FNDC3B: variants seen among roughly 807,000 people sequenced by gnomAD.
The protein encoded by FNDC3B is fibronectin type III domain-containing protein 3B.
In FNDC3B, 12 loss-of-function variants were observed where a neutral mutation model predicts 151.5. The ratio of observed to expected loss-of-function variants is 0.08; its 90% CI spans 0.05 to 0.13. The LOEUF (loss-of-function observed/expected upper bound fraction) is 0.13. Among genes scored for constraint, FNDC3B ranks in the 10% least tolerant of loss-of-function variants. FNDC3B has a pLI of 1.00. For missense variants in FNDC3B, 1,214 were observed against 1,505.3 expected (o/e 0.81, Z 3.20); for synonymous variants, 528 against 549.0 (o/e 0.96, Z 0.54).
intron 1 of FNDC3B, among the ~76,000 whole-genome samples, chr3:172,086,212 T>A (rs970629704): frequency 6.6e-6 from 1 of 152,090 alleles, no homozygotes; most frequent in African/African-American, 2.4e-5. Flanking sequence ...AATTAAAAAT[T>A]AGCTGGGTAT....
intron 3 of FNDC3B, chr3:172,134,249 T>C (rs559182200): frequency 7.2e-5 from 33 of 456,980 alleles, no homozygotes; most frequent in Non-Finnish European, 1.4e-4. Context: ...TGTATACTAA[T>C]GCCTCTTCTG....
intron 2 of FNDC3B, among the ~76,000 whole-genome samples, chr3:172,114,733 A>G (rs1253016310): frequency 6.6e-6 from 1 of 152,200 alleles, no homozygotes; most frequent in African/African-American, 2.4e-5. Context: ...AAAGAAAACA[A>G]AAACAAAAAC....
At chr3:172,292,117 A>C (rs780214852) in intron 7 of FNDC3B, among the ~76,000 whole-genome samples, 19 of 152,190 alleles carry the variant, frequency 1.2e-4, no homozygotes, top group Non-Finnish European at 2.4e-4. Context: ...TTTTCTCCTC[A>C]TTCCATTGCC....
At chr3:172,196,662 T>A (rs1003681687) in intron 3 of FNDC3B, among the ~76,000 whole-genome samples, 1 of 152,024 alleles carries the variant, frequency 6.6e-6, no homozygotes, top group Non-Finnish European at 1.5e-5. Flanking sequence ...TGGTGAAAGG[T>A]TCCCTTCTGA....
chr3:172,156,148 G>A (rs1219635125), intron 3 of FNDC3B, among the ~76,000 whole-genome samples: 2 of 152,122 alleles, frequency 1.3e-5, no homozygotes, highest in African/African-American at 4.8e-5. Context: ...GAGACTCTTT[G>A]TTTAAATGAA....
At chr3:172,339,983 A>C (rs1733210162) in intron 16 of FNDC3B, among the ~76,000 whole-genome samples, 1 of 152,220 alleles carries the variant, frequency 6.6e-6, no homozygotes, top group African/African-American at 2.4e-5. Flanking sequence ...AATACCAGGG[A>C]ATAGAAAAAG....
intron 25 of FNDC3B, among the ~76,000 whole-genome samples, chr3:172,387,317 C>T (rs951684465): frequency 2.0e-5 from 3 of 152,016 alleles, no homozygotes; most frequent in African/African-American, 7.3e-5. Flanking sequence ...AGGCTGGTCT[C>T]CAACTCCTAA....
chr3:172,336,391 C>T (rs1732968673), intron 15 of FNDC3B, among the ~76,000 whole-genome samples: 1 of 152,164 alleles, frequency 6.6e-6, no homozygotes. Flanking sequence ...GCCTAGGGCT[C>T]TAGTCATAAG....
At position 172,398,713 on chromosome 3, in the gene FNDC3B, C is replaced by A. The variant is rs545072222; in HGVS notation, c.*1238C>A. On this transcript the variant is annotated 3_prime_UTR_variant, in exon 26 of 26. Coordinates refer to ENST00000415807, the MANE Select transcript of FNDC3B (RefSeq NM_022763.4). ...CTTGCTGCGTGACCTGAACACGTCA[C>A]TTTACCTCTCTGTGCCTCAGTTTTC... 1 of 152,294 alleles carries A rather than the reference C, an allele frequency of 6.6e-6. No individual in the cohort carries two copies. The highest frequency in any genetic ancestry group is 2.1e-4 in the South Asian group (1 of 4,822). 9.4% of individuals were successfully genotyped at this position (152,294 alleles called of 1,614,324 possible).
intron 23 of FNDC3B, among the ~76,000 whole-genome samples, chr3:172,363,212 T>C (rs1282921682): frequency 6.6e-6 from 1 of 152,166 alleles, no homozygotes; most frequent in African/African-American, 2.4e-5. Flanking sequence ...AGATGTTACC[T>C]CTTTAAATAT....
intron 5 of FNDC3B, among the ~76,000 whole-genome samples, 199 bp from the exon 6 acceptor site, chr3:172,251,061 G>A (rs1019704232): frequency 2.6e-5 from 4 of 152,032 alleles, no homozygotes; most frequent in Non-Finnish European, 4.4e-5. Flanking sequence ...CAGACAGTCC[G>A]CCCACCTCGG....
At chr3:172,187,698 A>C (rs1724263425) in intron 3 of FNDC3B, among the ~76,000 whole-genome samples, 1 of 152,122 alleles carries the variant, frequency 6.6e-6, no homozygotes. Flanking sequence ...TTTGTTGCGC[A>C]GGCTAGAGTG....
chr3:172,333,973 G>A (rs1029299261), intron 14 of FNDC3B, among the ~76,000 whole-genome samples: 1 of 150,094 alleles, frequency 6.7e-6, no homozygotes, highest in East Asian at 2.0e-4. Context: ...AGCCAAAAAA[G>A]TGAATATGAC....
At chr3:172,354,799 CAT>C (rs1025374442) in intron 22 of FNDC3B, among the ~76,000 whole-genome samples, 10 of 150,936 alleles carry the variant, frequency 6.6e-5, no homozygotes, top group Admixed American at 2.6e-4. Flanking sequence ...TAGATAAAAA[CAT>C]GTGGAATGAA....
intron 1 of FNDC3B, among the ~76,000 whole-genome samples, chr3:172,099,166 A>G (rs1011043669): frequency 5.3e-5 from 8 of 152,236 alleles, no homozygotes; most frequent in South Asian, 2.1e-4. Flanking sequence ...ATGCAAATCA[A>G]TTAGCTGTGG....
At position 172,282,998 on chromosome 3, in the gene FNDC3B, G is replaced by C. The variant is rs140580690; in HGVS notation, c.791-2928G>C. On this transcript the variant is annotated intron_variant, in intron 6 of 25. Coordinates refer to ENST00000415807, the MANE Select transcript of FNDC3B (RefSeq NM_022763.4). ...AGCATAAGTTCCTATCCACCACTGTGAAATGGAGCAGAGAATGTCCATCAT... is the reference window on the plus strand; with the variant it reads ...AGCATAAGTTCCTATCCACCACTGTCAAATGGAGCAGAGAATGTCCATCAT... Among the ~76,000 whole-genome samples, 3 of 152,356 alleles carry C rather than the reference G, an allele frequency of 2.0e-5. No individual in the cohort carries two copies. In the East Asian group the frequency reaches 5.8e-4, roughly 29 times the overall value.
chr3:172,307,352 T>G lies in FNDC3B; in HGVS notation c.1062-11T>G. The G allele has an allele frequency of 1.2e-6, 2 of 1,614,092 alleles. No individual in the cohort carries two copies. The highest frequency in any genetic ancestry group is 1.7e-6 in the Non-Finnish European group (2 of 1,179,950). ...AGTCACTGCCACTGACTGTGTCTGT[T>G]TTGTTTTCAGGGTGTATGCCATGTA... On this transcript the variant is annotated splice_polypyrimidine_tract_variant and intron_variant, in intron 9 of 25. Transcript: ENST00000415807.
intron 1 of FNDC3B, among the ~76,000 whole-genome samples, chr3:172,091,854 A>G (rs963768072): frequency 2.2e-5 from 3 of 133,528 alleles, no homozygotes; most frequent in East Asian, 4.6e-4. Context: ...TATTACTCAC[A>G]GTGCCCTGAC....
rs115687538 is a variant in FNDC3B, at chr3:172,247,768, G to C, written c.500G>C (p.Gly167Ala). 637 of 1,614,108 alleles carry C rather than the reference G, an allele frequency of 3.9e-4. 3 individuals are homozygous for C. The African/African-American group carries it at 7.9e-3, about 20-fold the overall frequency. Residue 167 changes from glycine to alanine, a missense_variant, in exon 5 of 26, where the codon GGT becomes GCT. By Grantham distance (60) the Gly-to-Ala change is moderately conservative. This residue lies in a region of FNDC3B where 166 missense variants were observed against 173.2 expected (regional missense o/e 0.96). Transcript: ENST00000415807. ...PQHHLPHTIY[G>A]EQEIIPFYGM... ...CATCATCTTCCCCACACAATATATG[G>C]TGAGCAAGGTGAGTAGATTTTCGTT...
Sources: allele counts gnomAD v4.1 joint callset (sites outside exome capture counted in the v4.1 genomes callset), GRCh38; gene constraint gnomAD v4.1.1; regional missense constraint gnomAD v4.1.1; transcripts MANE v1.5; gene names NCBI Gene and HGNC (gene_info 2026-07-23, HGNC 2026-07-21).